The following CTNNA3 variants were observed in gnomAD, a reference collection of about 807,000 sequenced individuals.
CTNNA3 encodes catenin alpha-3.
CTNNA3 carries 76 observed loss-of-function variants against 95.7 expected under a neutral mutation model. The ratio of observed to expected loss-of-function variants is 0.79; its 90% CI spans 0.66 to 0.96. The LOEUF (loss-of-function observed/expected upper bound fraction) is 0.96, where lower values mean the gene tolerates loss of function less well. Among genes scored for constraint, CTNNA3 ranks in the 40% least tolerant of loss-of-function variants. CTNNA3 has a pLI of 0.00. For missense variants in CTNNA3, 1,191 were observed against 1,089.8 expected, an observed-to-expected ratio of 1.09 and a Z score of -1.31; for synonymous variants, 431 against 374.4, an observed-to-expected ratio of 1.15 and a Z score of -1.74.
intron 15 of CTNNA3, among the ~76,000 whole-genome samples, chr10:65,991,820 T>G (rs140713257): frequency 7.6e-4 from 115 of 152,254 alleles, no homozygotes; most frequent in African/African-American, 2.6e-3. Flanking sequence ...CATCCTCATC[T>G]TGTTCCGGAT....
chr10:66,929,090 A>G (rs183909955), intron 7 of CTNNA3, among the ~76,000 whole-genome samples: 1 of 152,354 alleles, frequency 6.6e-6, no homozygotes, highest in East Asian at 1.9e-4. Flanking sequence ...ATGAAGGGTT[A>G]AAATACTGCA....
chr10:66,492,866 A>C (rs1839971701), intron 11 of CTNNA3, among the ~76,000 whole-genome samples: 1 of 152,178 alleles, frequency 6.6e-6, no homozygotes, highest in Non-Finnish European at 1.5e-5. Flanking sequence ...TTGATAGAGA[A>C]GGAAGAAACA....
chr10:66,335,569 C>A (rs2092385106), intron 12 of CTNNA3, among the ~76,000 whole-genome samples: 2 of 152,060 alleles, frequency 1.3e-5, no homozygotes, highest in Non-Finnish European at 2.9e-5. Context: ...GCAAATGTTG[C>A]TGCCTGATTG....
chr10:67,077,426 C>A (rs1011181345), intron 7 of CTNNA3, among the ~76,000 whole-genome samples: 17 of 152,162 alleles, frequency 1.1e-4, no homozygotes, highest in African/African-American at 3.9e-4. Flanking sequence ...CTGACCCAGT[C>A]CCTTTGCCCC....
chr10:67,336,363 T>A (rs1841995949), intron 5 of CTNNA3, among the ~76,000 whole-genome samples: 1 of 152,206 alleles, frequency 6.6e-6, no homozygotes, highest in Non-Finnish European at 1.5e-5. Flanking sequence ...TTTTCAATTC[T>A]ATGAAGGCTC....
intron 11 of CTNNA3, among the ~76,000 whole-genome samples, chr10:66,436,614 A>G (rs113867708): frequency 0.011 from 1,642 of 150,606 alleles, 37 homozygotes; most frequent in African/African-American, 0.038. Context: ...TCCTGAATAC[A>G]GGACACCTAT....
At chr10:66,690,724 G>A in intron 9 of CTNNA3, among the ~76,000 whole-genome samples, 1 of 151,704 alleles carries the variant, frequency 6.6e-6, no homozygotes, top group East Asian at 1.9e-4. Flanking sequence ...GTCTATCGTT[G>A]TTGGACATTT....
intron 7 of CTNNA3, among the ~76,000 whole-genome samples, chr10:67,002,534 A>T (rs1165223397): frequency 6.6e-6 from 1 of 152,172 alleles, no homozygotes; most frequent in African/African-American, 2.4e-5. Context: ...AAAGAAAAAA[A>T]ATTCCTTTGA....
At chr10:67,535,134 T>C (rs1840451080) in intron 4 of CTNNA3, among the ~76,000 whole-genome samples, 1 of 152,138 alleles carries the variant, frequency 6.6e-6, no homozygotes, top group South Asian at 2.1e-4. Context: ...CCACAAACAG[T>C]ATATCTTGAT....
chr10:67,364,491 G>T (rs1478779860), intron 5 of CTNNA3, among the ~76,000 whole-genome samples: 1 of 151,990 alleles, frequency 6.6e-6, no homozygotes, highest in Non-Finnish European at 1.5e-5. Flanking sequence ...GCAGGAGAAA[G>T]AAATAAAGGG....
chr10:66,076,889 A>T (rs148476676), intron 14 of CTNNA3, among the ~76,000 whole-genome samples: 23 of 151,872 alleles, frequency 1.5e-4, no homozygotes, highest in African/African-American at 5.1e-4. Context: ...ACATTTGCAG[A>T]TCTCCTATAA....
intron 15 of CTNNA3, among the ~76,000 whole-genome samples, chr10:66,020,373 T>A (rs2079178537): frequency 6.6e-6 from 1 of 152,118 alleles, no homozygotes; most frequent in Non-Finnish European, 1.5e-5. Context: ...AGACTGCTGA[T>A]TTTATCAGAA....
At chr10:67,241,617 C>T (rs191648647) in intron 5 of CTNNA3, among the ~76,000 whole-genome samples, 5 of 152,258 alleles carry the variant, frequency 3.3e-5, no homozygotes, top group Admixed American at 1.3e-4. Flanking sequence ...AAAGAGCAAA[C>T]AGAATCACTT....
intron 7 of CTNNA3, among the ~76,000 whole-genome samples, chr10:67,102,427 T>C (rs1327906126): frequency 2.6e-5 from 4 of 151,798 alleles, no homozygotes; most frequent in African/African-American, 7.3e-5. Flanking sequence ...TATTGTGAGA[T>C]AGGAGGCAAC....
intron 7 of CTNNA3, among the ~76,000 whole-genome samples, chr10:67,139,543 G>C (rs1589784421): frequency 6.6e-6 from 1 of 152,004 alleles, no homozygotes; most frequent in African/African-American, 2.4e-5. Flanking sequence ...CTCCTGAGTA[G>C]CTGGGATTAC....
chr10:67,725,159 G>C (rs2133622417), intron 1 of CTNNA3, among the ~76,000 whole-genome samples: 1 of 150,880 alleles, frequency 6.6e-6, no homozygotes, highest in African/African-American at 2.4e-5. Flanking sequence ...CTTATATATA[G>C]TATTAATTTA....
intron 1 of CTNNA3, among the ~76,000 whole-genome samples, chr10:67,742,331 C>T (rs1277906575): frequency 2.6e-5 from 4 of 151,166 alleles, no homozygotes; most frequent in African/African-American, 9.7e-5. Flanking sequence ...CAAACTAGAA[C>T]TCAGGATTAA....
At chr10:66,903,037 A>G (rs150111020) in intron 7 of CTNNA3, among the ~76,000 whole-genome samples, 1,959 of 152,336 alleles carry the variant, frequency 0.013, 32 homozygotes, top group Non-Finnish European at 0.019. Flanking sequence ...TGAGGCCAGC[A>G]TCATACTGAT....
At chr10:67,552,412 G>A (rs1379783254) in intron 3 of CTNNA3, among the ~76,000 whole-genome samples, 1 of 151,770 alleles carries the variant, frequency 6.6e-6, no homozygotes, top group African/African-American at 2.4e-5. Context: ...GTACAGGTTT[G>A]TTACCTGTAC....
Sources: allele counts gnomAD v4.1 joint callset (sites outside exome capture counted in the v4.1 genomes callset), GRCh38; gene constraint gnomAD v4.1.1; transcripts MANE v1.5; gene names NCBI Gene and HGNC (gene_info 2026-07-23, HGNC 2026-07-21).